Variants in TCF24 observed in about 807,000 individuals in gnomAD.
TCF24 encodes transcription factor 24.
Under a neutral mutation model 9.3 loss-of-function variants are expected in TCF24, and 5 were observed. That is an observed-to-expected ratio of 0.54 (90% CI 0.28 to 1.13). The LOEUF (loss-of-function observed/expected upper bound fraction) is 1.13. TCF24 is among the 50% of genes most tolerant of loss of function. The probability of loss-of-function intolerance (pLI) is 0.09; values close to 1 mark genes in which losing one functional copy is unlikely to be tolerated. For synonymous variants in TCF24, 110 were observed against 115.8 expected (o/e 0.95, Z 0.32); for missense variants, 220 against 236.1 (o/e 0.93, Z 0.45).
At chr8:66,948,308 AAAC>A (rs1165471201) in intron 3 of TCF24, 144 bp from the exon 4 acceptor site, 62 of 541,126 alleles carry the variant, frequency 1.1e-4, no homozygotes, top group South Asian at 1.4e-4. Context: ...GAAGTATAAG[AAAC>A]AACAAGAAAA....
chr8:66,948,638 A>G (rs1358182341), intron 3 of TCF24, among the ~76,000 whole-genome samples: 1 of 151,442 alleles, frequency 6.6e-6, no homozygotes, highest in East Asian at 1.9e-4. Flanking sequence ...TAAAAGGACC[A>G]CAATGAAAAG....
At chr8:66,961,236 C>A (rs1814246391) in intron 3 of TCF24, 140 bp downstream of exon 3, 4 of 1,185,898 alleles carry the variant, frequency 3.4e-6, no homozygotes, top group Non-Finnish European at 4.3e-6. Context: ...AGTACCCTCG[C>A]GGGCCGAGGT....
At chr8:66,953,720 C>T (rs1814094921) in intron 3 of TCF24, among the ~76,000 whole-genome samples, 1 of 152,108 alleles carries the variant, frequency 6.6e-6, no homozygotes, top group Non-Finnish European at 1.5e-5. Flanking sequence ...CTCCCCGTCA[C>T]TTTCAGGTAC....
chr8:66,954,080 C>T (rs1008755245), intron 3 of TCF24, among the ~76,000 whole-genome samples: 2 of 152,204 alleles, frequency 1.3e-5, no homozygotes, highest in African/African-American at 4.8e-5. Flanking sequence ...TCGTCTGAAG[C>T]CTTCTTCTCT....
In TCF24 at chr8:66,948,088, G is replaced by T. The variant is rs1563404347; in HGVS notation, c.467C>A (p.Thr156Lys). 6.5e-7 allele frequency: 1 copy of T among 1,534,866 alleles called. No homozygotes were observed. The highest frequency in any genetic ancestry group is 1.4e-5 in the African/African-American group (1 of 73,048). The change falls in exon 4 of 4, where the codon ACA becomes AAA. Residue 156 changes from threonine to lysine, a missense_variant. By Grantham distance (78) the Thr-to-Lys change is moderately conservative. Transcript: ENST00000563496. The stretch of plus-strand genomic sequence containing the variant: ...GTCTGTTGGAGTGTTGTCATGATTT[G>T]TTTTTTCTCCAGAAACAGAATGCTT... ...FLKHSVSGEK[T>K]NHDNTPTDSQ...
At chr8:66,960,525 G>GA (rs1814236125) in intron 3 of TCF24, among the ~76,000 whole-genome samples, 1 of 152,116 alleles carries the variant, frequency 6.6e-6, no homozygotes, top group Non-Finnish European at 1.5e-5. Context: ...ATTTGGAACA[G>GA]AAAAATCAGT....
intron 3 of TCF24, among the ~76,000 whole-genome samples, chr8:66,955,958 G>A (rs1289824950): frequency 6.6e-6 from 1 of 151,868 alleles, no homozygotes; most frequent in Non-Finnish European, 1.5e-5. Context: ...ATGAGACAGG[G>A]TCTCATTCTG....
At chr8:66,954,596 C>A (rs1437191649) in intron 3 of TCF24, among the ~76,000 whole-genome samples, 1 of 152,144 alleles carries the variant, frequency 6.6e-6, no homozygotes, top group Admixed American at 6.5e-5. Context: ...GGCAGGCAGG[C>A]CTCCTTGAGC....
chr8:66,955,184 T>TAAATTC (rs1472208276), intron 3 of TCF24: 2 of 152,232 alleles, frequency 1.3e-5, no homozygotes, highest in Admixed American at 1.3e-4. Flanking sequence ...GTGATTTTTC[T>TAAATTC]AAATTCATCT....
rs1433184464 is a variant in TCF24 at position 66,946,703 on chromosome 8, T to G, written c.*1348A>C. On this transcript the variant is annotated 3_prime_UTR_variant, in exon 4 of 4. Coordinates refer to ENST00000563496, the MANE Select transcript of TCF24 (RefSeq NM_001193502.2). ...AACAAATACACTTCTTTGGCATTAATACAACTTGTAACTGGATGAGAAGAA... is the reference window on the plus strand; with the variant it reads ...AACAAATACACTTCTTTGGCATTAAGACAACTTGTAACTGGATGAGAAGAA... The G allele has an allele frequency of 6.6e-6, 1 of 152,184 alleles. No homozygotes were observed. Among genetic ancestry groups the G allele is most frequent in the East Asian group, 1.9e-4 (1 of 5,202 alleles). The allele number at this position is 152,184 out of a possible 1,614,324, so 9.4% of individuals were successfully genotyped here.
At position 66,948,016 on chromosome 8, in the gene TCF24, G is replaced by A; in HGVS notation, c.*35C>T. 7.1e-7 allele frequency: 1 copy of A among 1,398,940 alleles called. No individual in the cohort carries two copies. The allele number at this position is 1,398,940 out of a possible 1,614,324, so 86.7% of individuals were successfully genotyped here. ...TATGTCATAGTATTTAAAAACAATA[G>A]CCACCACTTCTACCAGCCCCCACCA... On this transcript the variant is annotated 3_prime_UTR_variant, in exon 4 of 4. Transcript: ENST00000563496.
chr8:66,953,399 T>A (rs1221968308), intron 3 of TCF24, among the ~76,000 whole-genome samples: 3,898 of 109,296 alleles, frequency 0.036, no homozygotes, highest in South Asian at 0.054. Context: ...AAAATTCTTT[T>A]CTTTAAGAAT....
At chr8:66,960,110 G>T (rs1185708820) in intron 3 of TCF24, among the ~76,000 whole-genome samples, 1 of 151,974 alleles carries the variant, frequency 6.6e-6, no homozygotes, top group Non-Finnish European at 1.5e-5. Context: ...TAATATTAAT[G>T]GTATATTCGA....
At chr8:66,953,822 C>T (rs1326734671) in intron 3 of TCF24, among the ~76,000 whole-genome samples, 3 of 151,876 alleles carry the variant, frequency 2.0e-5, no homozygotes, top group Non-Finnish European at 4.4e-5. Flanking sequence ...TCTAAACTTC[C>T]CTTCTCGCTT....
intron 3 of TCF24, among the ~76,000 whole-genome samples, chr8:66,950,781 T>G (rs1814046768): frequency 6.6e-6 from 1 of 151,090 alleles, no homozygotes; most frequent in Non-Finnish European, 1.5e-5. Context: ...CAGTGGTTTG[T>G]AGTTCTCCTT....
chr8:66,961,984 C>T lies in TCF24; in HGVS notation c.-131G>A, dbSNP rs1814265305. The stretch of plus-strand genomic sequence containing the variant: ...GTTGCGGAACTCCGGAGTTCTTGGG[C>T]TTCCTAGAAGGATAAGAAGAGGCGC... On this transcript the variant is annotated 5_prime_UTR_variant, in exon 2 of 4. Transcript: ENST00000563496. 4.7e-6 allele frequency: 1 copy of T among 211,016 alleles called. No homozygotes were observed. The highest frequency in any genetic ancestry group is 8.6e-6 in the Non-Finnish European group (1 of 115,802). The allele number at this position is 211,016 out of a possible 1,614,324, so 13.1% of individuals were successfully genotyped here. A position where few individuals can be genotyped will look rare whatever the true frequency, so the allele number is the denominator to read the frequency against.
At chr8:66,951,974 T>G (rs1462784418) in intron 3 of TCF24, among the ~76,000 whole-genome samples, 124 of 146,994 alleles carry the variant, frequency 8.4e-4, no homozygotes, top group Middle Eastern at 7.4e-3. Context: ...GTCTATTTGA[T>G]TCTTCTCTCT....
At chr8:66,953,459 A>T (rs1585942802) in intron 3 of TCF24, among the ~76,000 whole-genome samples, 1 of 152,156 alleles carries the variant, frequency 6.6e-6, no homozygotes, top group East Asian at 1.9e-4. Flanking sequence ...TTCTGCCGAG[A>T]GATCCGCTGT....
At chr8:66,948,616 T>G (rs1424037855) in intron 3 of TCF24, among the ~76,000 whole-genome samples, 1 of 152,238 alleles carries the variant, frequency 6.6e-6, no homozygotes, top group African/African-American at 2.4e-5. Flanking sequence ...TGGTATTATG[T>G]GTCTATAGAT....
Sources: allele counts gnomAD v4.1 joint callset (sites outside exome capture counted in the v4.1 genomes callset), GRCh38; gene constraint gnomAD v4.1.1; transcripts MANE v1.5; gene names NCBI Gene and HGNC (gene_info 2026-07-23, HGNC 2026-07-21).